G2E3: variants seen among roughly 807,000 people sequenced by gnomAD.
G2E3 encodes the protein G2/M-phase specific E3 ubiquitin protein ligase, also known as G2/M phase-specific E3 ubiquitin-protein ligase.
A neutral mutation model predicts 92.8 loss-of-function variants in G2E3; 35 were observed. The observed-to-expected ratio is 0.38, with a 90% confidence interval of 0.29 to 0.50. The LOEUF (loss-of-function observed/expected upper bound fraction) is 0.50, where lower values mean the gene tolerates loss of function less well. Ranked by LOEUF, G2E3 falls within the 20% of genes least tolerant of loss-of-function variation. The pLI, the probability that G2E3 is intolerant of heterozygous loss-of-function variation, is 0.94. For synonymous variants in G2E3, 242 were observed against 272.4 expected, an observed-to-expected ratio of 0.89 and a Z score of 1.10; for missense variants, 554 against 823.8, an observed-to-expected ratio of 0.67 and a Z score of 4.01.
intron 1 of G2E3, among the ~76,000 whole-genome samples, chr14:30,568,437 T>A (rs1259356458): frequency 6.6e-6 from 1 of 152,144 alleles, no homozygotes; most frequent in Non-Finnish European, 1.5e-5. Context: ...TTTCTGACAT[T>A]TTAGTATTTG....
At chr14:30,569,450 G>C (rs1201250747) in intron 1 of G2E3, among the ~76,000 whole-genome samples, 2 of 152,100 alleles carry the variant, frequency 1.3e-5, no homozygotes, top group African/African-American at 4.8e-5. Flanking sequence ...CCTCTGCCTG[G>C]GTCCTGCCTG....
chr14:30,586,951 CA>C, intron 3 of G2E3, 136 bp downstream of exon 3: 1 of 399,464 alleles, frequency 2.5e-6, no homozygotes, highest in Admixed American at 4.5e-5. Context: ...TAAAAATAGA[CA>C]TTTTGTTTTT....
At chr14:30,599,759 A>G (rs1566545219) in intron 8 of G2E3, among the ~76,000 whole-genome samples, 3 of 152,188 alleles carry the variant, frequency 2.0e-5, no homozygotes, top group African/African-American at 7.2e-5. Flanking sequence ...ATAAAAATAT[A>G]TGTTATTTAA....
rs1032679403 is a variant in G2E3, at chr14:30,573,147, T to A, written c.-4-7929T>A. On this transcript the variant is annotated intron_variant, in intron 1 of 14. Transcript: ENST00000206595. ...TGTGCCTGGCTTTTATGTACATTTT[T>A]AAGATATGTTTATTATTTCCTAGAA... Among the ~76,000 whole-genome samples, 4 of 152,174 alleles carry A rather than the reference T, an allele frequency of 2.6e-5. No homozygotes were observed. The East Asian group carries it at 7.7e-4, about 29-fold the overall frequency.
chr14:30,603,325 C>CA (rs1231084948), intron 10 of G2E3, among the ~76,000 whole-genome samples: 1,189 of 62,548 alleles, frequency 0.019, 6 homozygotes, highest in East Asian at 0.027. Flanking sequence ...GACTCTGTCT[C>CA]AAAAAAAAAA....
intron 12 of G2E3, among the ~76,000 whole-genome samples, chr14:30,610,683 A>G (rs924880124): frequency 2.4e-4 from 36 of 152,218 alleles, no homozygotes; most frequent in Non-Finnish European, 3.7e-4. Flanking sequence ...TGGAGTATAT[A>G]CAAGTTAGGT....
In G2E3 at chr14:30,592,317, T is replaced by C; in HGVS notation, c.238-6T>C. On this transcript the variant is annotated splice_region_variant and splice_polypyrimidine_tract_variant and intron_variant, in intron 4 of 14. Transcript: ENST00000206595. ...TTGTGACCCCTATTTTCACATACTC[T>C]TCTAGAAATGCTGTGTTTGCAAGAA... 1.2e-6 allele frequency: 2 copies of C among 1,612,294 alleles called. No individual in the cohort carries two copies. The highest frequency in any genetic ancestry group is 1.7e-4 in the Middle Eastern group (1 of 6,052).
intron 1 of G2E3, among the ~76,000 whole-genome samples, chr14:30,578,193 G>A (rs954218621): frequency 2.0e-5 from 3 of 151,954 alleles, no homozygotes; most frequent in African/African-American, 7.3e-5. Flanking sequence ...CACATGCTAG[G>A]GATTAGGAAG....
intron 1 of G2E3, among the ~76,000 whole-genome samples, chr14:30,566,817 G>A (rs1297447564): frequency 6.6e-6 from 1 of 152,172 alleles, no homozygotes; most frequent in Non-Finnish European, 1.5e-5. Flanking sequence ...TGATAATTAT[G>A]TTAATTACAG....
chr14:30,576,579 A>C (rs2138803433), intron 1 of G2E3, among the ~76,000 whole-genome samples: 1 of 152,360 alleles, frequency 6.6e-6, no homozygotes, highest in African/African-American at 2.4e-5. Flanking sequence ...CAGAGTAAAC[A>C]GACAACCTAC....
chr14:30,611,751 G>T (rs1232714800), intron 12 of G2E3: 1 of 152,124 alleles, frequency 6.6e-6, no homozygotes, highest in Non-Finnish European at 1.5e-5. Context: ...CCAACTCCTG[G>T]GCTCAAAATC....
chr14:30,591,185 A>C (rs759954139), intron 4 of G2E3, among the ~76,000 whole-genome samples: 1 of 152,146 alleles, frequency 6.6e-6, no homozygotes, highest in Non-Finnish European at 1.5e-5. Context: ...CCTTGTTGTC[A>C]GTTCATTGGG....
intron 1 of G2E3, among the ~76,000 whole-genome samples, chr14:30,577,004 A>G (rs1594473079): frequency 6.6e-6 from 1 of 152,070 alleles, no homozygotes; most frequent in African/African-American, 2.4e-5. Flanking sequence ...AGGCAGGCGG[A>G]TCATGAGGTC....
At chr14:30,608,262 G>T (rs1881924268) in intron 12 of G2E3, among the ~76,000 whole-genome samples, 193 bp downstream of exon 12, 1 of 152,198 alleles carries the variant, frequency 6.6e-6, no homozygotes, top group Non-Finnish European at 1.5e-5. Flanking sequence ...GGAGATTAAA[G>T]TGCCACGTTT....
rs755725372 is a variant in G2E3 at position 30,592,461 on chromosome 14, C to G, written c.362+14C>G. ...TGGCAATTTTGCGTGAGTTATTTAA[C>G]TGTTAAATATGAAAGTTCAGTGTTA... is the stretch of plus-strand genomic sequence containing the variant. On this transcript the variant is annotated intron_variant, in intron 5 of 14. Transcript: ENST00000206595. 6.5e-7 allele frequency: 1 copy of G among 1,549,000 alleles called. No homozygotes were observed. The highest frequency in any genetic ancestry group is 2.0e-5 in the Admixed American group (1 of 49,886).
rs759532611 is a variant in G2E3, at chr14:30,608,042, C to G, written c.1473C>G (p.Asp491Glu). ...NTQPILDDVS[D>E]FDVAQIIIRI... ...AGCCAATTTTAGATGATGTTTCAGA[C>G]TTTGATGTGGCACAGATTATAATCA... Residue 491 changes from aspartate (D) to glutamate (E), a missense_variant, in exon 12 of 15, where the codon GAC becomes GAG. Asp to Glu is a conservative substitution (Grantham distance 45). Transcript: ENST00000206595. 1.8e-5 allele frequency: 29 copies of G among 1,589,336 alleles called. No homozygotes were observed. The highest frequency in any genetic ancestry group is 2.7e-5 in the African/African-American group (2 of 73,188).
At chr14:30,572,925 G>C (rs1251291741) in intron 1 of G2E3, among the ~76,000 whole-genome samples, 1 of 151,984 alleles carries the variant, frequency 6.6e-6, no homozygotes, top group African/African-American at 2.4e-5. Context: ...AATGCCCCTA[G>C]TACTCTTTCT....
At chr14:30,608,723 A>G (rs1881947272) in intron 12 of G2E3, among the ~76,000 whole-genome samples, 1 of 152,254 alleles carries the variant, frequency 6.6e-6, no homozygotes, top group African/African-American at 2.4e-5. Context: ...AAAAACTGAG[A>G]CAATGCAAGC....
rs778230556 is a variant in G2E3, at chr14:30,586,739, A to T, written c.59A>T (p.His20Leu). Residue 20 changes from histidine (H) to leucine (L), a missense_variant, in exon 3 of 15, where the codon CAT becomes CTT. Physicochemically the swap from His to Leu is moderately conservative, Grantham distance 99. Transcript: ENST00000206595. The stretch of plus-strand genomic sequence containing the variant: ...TTAGCTTGTGTTTTCTGTCGAAAAC[A>T]TGATGACTGTCCTAATAAATACGGA... ...QNLACVFCRK[H>L]DDCPNKYGEK... 1 of 1,400,186 alleles carries T rather than the reference A, an allele frequency of 7.1e-7. No individual in the cohort carries two copies. The highest frequency in any genetic ancestry group is 9.8e-7 in the Non-Finnish European group (1 of 1,022,354). 86.7% of individuals were successfully genotyped at this position (1,400,186 alleles called of 1,614,324 possible).
Sources: gnomAD v4.1 joint callset for allele counts (sites outside exome capture counted in the v4.1 genomes callset) on GRCh38, gnomAD v4.1.1 for gene constraint, MANE v1.5 for transcripts, NCBI Gene and HGNC (gene_info 2026-07-23, HGNC 2026-07-21) for gene names.